Variants in PLD3 observed in about 807,000 individuals in gnomAD.
The protein encoded by PLD3 is 5'-3' exonuclease PLD3.
In PLD3, 31 loss-of-function variants were observed where a neutral mutation model predicts 58.4. The observed-to-expected ratio is 0.53, with a 90% CI of 0.40 to 0.72. PLD3 has a LOEUF of 0.72. Among genes scored for constraint, PLD3 ranks in the 30% least tolerant of loss-of-function variants. The pLI, the probability that PLD3 is intolerant of heterozygous loss-of-function variation, is 0.00. For synonymous variants in PLD3, 264 were observed against 273.4 expected (o/e 0.97, Z 0.34); for missense variants, 595 against 659.8 (o/e 0.90, Z 1.08).
Position 40,371,857 on chromosome 19 carries a change from C to T in PLD3, c.863C>T (p.Ala288Val). ...PMEICLNGTP[A>V]LAYLASAPPP... ...GAGATCTGCCTCAATGGAACCCCTGCTCTGGCCTACCTGGCGGTGAGTCTG... is the reference window on the plus strand; with the variant it reads ...GAGATCTGCCTCAATGGAACCCCTGTTCTGGCCTACCTGGCGGTGAGTCTG... Residue 288 changes from alanine (A) to valine (V), a missense_variant, in exon 9 of 13, where the codon GCT becomes GTT. Ala to Val is a moderately conservative substitution (Grantham distance 64). Transcript: ENST00000409735. 1 of 1,614,042 alleles carries T rather than the reference C, an allele frequency of 6.2e-7. No individual in the cohort carries two copies. The highest frequency in any genetic ancestry group is 8.5e-7 in the Non-Finnish European group (1 of 1,179,988).
intron 8 of PLD3, among the ~76,000 whole-genome samples, chr19:40,371,197 T>C (rs921915440): frequency 4.6e-5 from 7 of 152,198 alleles, no homozygotes; most frequent in Non-Finnish European, 7.4e-5. Flanking sequence ...ATAGTTCCCC[T>C]AACCTTTAAT....
At chr19:40,373,576 CA>C (rs1250262822) in intron 9 of PLD3, among the ~76,000 whole-genome samples, 263 of 73,428 alleles carry the variant, frequency 3.6e-3, no homozygotes, top group East Asian at 0.022. Context: ...GACTCCACTT[CA>C]AAAAAAAAAA....
intron 6 of PLD3, among the ~76,000 whole-genome samples, chr19:40,368,642 C>T (rs1435500698): frequency 1.3e-5 from 2 of 152,136 alleles, no homozygotes; most frequent in Non-Finnish European, 2.9e-5. Context: ...GTGATTCACA[C>T]CTGTAATCCC....
At chr19:40,377,487 G>A (rs1027056261) in intron 11 of PLD3, among the ~76,000 whole-genome samples, 3 of 151,816 alleles carry the variant, frequency 2.0e-5, no homozygotes, top group African/African-American at 7.3e-5. Flanking sequence ...GGAAGCCTCT[G>A]CCCTAGCGGG....
chr19:40,368,482 G>A (rs1307560736), intron 6 of PLD3, among the ~76,000 whole-genome samples: 4 of 152,186 alleles, frequency 2.6e-5, no homozygotes, highest in Non-Finnish European at 5.9e-5. Context: ...CAGCCTACAT[G>A]GATAACCTCT....
chr19:40,353,752 G>T (rs1455155437), intron 1 of PLD3, among the ~76,000 whole-genome samples: 1 of 151,298 alleles, frequency 6.6e-6, no homozygotes, highest in Non-Finnish European at 1.5e-5. Flanking sequence ...CTAATTTTTT[G>T]TATTTTTAGT....
chr19:40,364,381 G>C (rs2145681180), intron 1 of PLD3, among the ~76,000 whole-genome samples: 1 of 148,544 alleles, frequency 6.7e-6, no homozygotes, highest in Non-Finnish European at 1.5e-5. Flanking sequence ...GGCCAGATGT[G>C]GTGGCTCATG....
At chr19:40,357,241 G>T (rs987703039) in intron 1 of PLD3, 2 of 152,142 alleles carry the variant, frequency 1.3e-5, no homozygotes, top group Admixed American at 1.3e-4. Context: ...GAAGCCCCGT[G>T]AATTTTATTT....
At chr19:40,355,332 G>A (rs573221089) in intron 1 of PLD3, among the ~76,000 whole-genome samples, 5 of 147,978 alleles carry the variant, frequency 3.4e-5, no homozygotes, top group Non-Finnish European at 7.4e-5. Flanking sequence ...TTTTTTTTGA[G>A]ACAGAGTTTC....
rs928577672 is a variant in PLD3 at position 40,366,029 on chromosome 19, C to T, written c.-66+99C>T. The T allele has an allele frequency of 2.2e-5, 4 of 183,338 alleles. No individual in the cohort carries two copies. In the Admixed American group the frequency reaches 2.3e-4, roughly 10 times the overall value. 11.4% of individuals were successfully genotyped at this position (183,338 alleles called of 1,614,324 possible). On this transcript the variant is annotated intron_variant, in intron 2 of 12. Coordinates refer to ENST00000409735, the MANE Select transcript of PLD3 (RefSeq NM_012268.4). ...TGTGTGGTGTGGGGGCACCTGAGGG[C>T]GGAGGAGCCACCTAGAATATACCCC...
intron 1 of PLD3, among the ~76,000 whole-genome samples, chr19:40,363,302 C>T (rs1453262842): frequency 6.6e-6 from 1 of 152,166 alleles, no homozygotes; most frequent in Non-Finnish European, 1.5e-5. Flanking sequence ...CCTCCTGCCT[C>T]CTCCACCCAC....
intron 1 of PLD3, among the ~76,000 whole-genome samples, chr19:40,354,628 T>C (rs1300487143): frequency 6.6e-6 from 1 of 150,992 alleles, no homozygotes; most frequent in African/African-American, 2.4e-5. Context: ...CGGGTTCCAG[T>C]AGTTCTCCTG....
chr19:40,366,239 G>T, intron 2 of PLD3, 180 bp from the exon 3 acceptor site: 1 of 591,806 alleles, frequency 1.7e-6, no homozygotes. Flanking sequence ...GCAGAGCGTT[G>T]GATTTTGAGG....
Position 40,378,011 on chromosome 19 carries a change from C to G in PLD3, c.1311C>G (p.Tyr437Ter). Reference protein sequence around the residue: ...YIGTSNWSGNYFTETAGTSLL... With the variant: ...YIGTSNWSGN ...GAACCTCCAACTGGTCTGGCAACTACTTCACGGAGACGGCGGGCACCTCGC... is the reference window on the plus strand; with the variant it reads ...GAACCTCCAACTGGTCTGGCAACTAGTTCACGGAGACGGCGGGCACCTCGC... The change falls in exon 13 of 13, where the codon TAC becomes TAG. Residue 437 changes from tyrosine (Y) to a stop codon, truncating the protein, a stop_gained. Transcript: ENST00000409735. LOFTEE classifies it high-confidence loss of function. 1 of 1,613,302 alleles carries G rather than the reference C, an allele frequency of 6.2e-7. No homozygotes were observed. Among genetic ancestry groups the G allele is most frequent in the Non-Finnish European group, 8.5e-7 (1 of 1,179,566 alleles).
chr19:40,367,233 C>T (rs998224321), intron 5 of PLD3: 2 of 337,818 alleles, frequency 5.9e-6, no homozygotes, highest in Non-Finnish European at 1.1e-5. Context: ...AGTCCAGGCA[C>T]GCATTCAAAT....
In PLD3 at chr19:40,366,868, T is replaced by C. The variant is rs756517905; in HGVS notation, c.198T>C (p.His66=). The part of the protein sequence containing the change: ...QLFLWEYGDL[H]LFGPNQRPAP... Reference sequence around the variant, plus strand: ...TTCTATGGGAATACGGCGACTTGCATCTCTTTGGGCCCAACCAGCGCCCAG... The same window carrying C: ...TTCTATGGGAATACGGCGACTTGCACCTCTTTGGGCCCAACCAGCGCCCAG... Residue 66 remains histidine (H), a synonymous_variant, in exon 5 of 13, where the codon CAT becomes CAC. Coordinates refer to ENST00000409735, the MANE Select transcript of PLD3 (RefSeq NM_012268.4). 1.2e-6 allele frequency: 2 copies of C among 1,613,906 alleles called. No individual in the cohort carries two copies. The highest frequency in any genetic ancestry group is 2.2e-5 in the South Asian group (2 of 91,076).
chr19:40,350,281 A>C (rs956749908), intron 1 of PLD3, among the ~76,000 whole-genome samples: 2 of 151,830 alleles, frequency 1.3e-5, no homozygotes, highest in African/African-American at 4.8e-5. Flanking sequence ...AAAAAAAAAA[A>C]AACTGCATGA....
intron 9 of PLD3, among the ~76,000 whole-genome samples, chr19:40,372,172 A>G (rs2079082522): frequency 6.6e-6 from 1 of 152,090 alleles, no homozygotes; most frequent in African/African-American, 2.4e-5. Context: ...TGGCTCTTTC[A>G]GTTTAAGTTA....
At chr19:40,374,377 G>A (rs573587391) in intron 9 of PLD3, 104 bp from the exon 10 acceptor site, 2 of 1,235,458 alleles carry the variant, frequency 1.6e-6, no homozygotes, top group South Asian at 2.7e-5. Flanking sequence ...TGAGGATTTG[G>A]TGAGATCCAC....
Sources: allele counts gnomAD v4.1 joint callset (sites outside exome capture counted in the v4.1 genomes callset), GRCh38; gene constraint gnomAD v4.1.1; transcripts MANE v1.5; gene names NCBI Gene and HGNC (gene_info 2026-07-23, HGNC 2026-07-21).